Variants in CLSTN1 observed in about 807,000 individuals in gnomAD.
The protein encoded by CLSTN1 is calsyntenin 1, also known as calsyntenin-1.
CLSTN1 carries 28 observed loss-of-function variants against 108.3 expected under a neutral mutation model. The ratio of observed to expected loss-of-function variants is 0.26; its 90% CI spans 0.19 to 0.35. The LOEUF (loss-of-function observed/expected upper bound fraction) is 0.35, where lower values mean the gene tolerates loss of function less well. Among genes scored for constraint, CLSTN1 ranks in the 10% least tolerant of loss-of-function variants. The pLI, the probability that CLSTN1 is intolerant of heterozygous loss-of-function variation, is 1.00. For synonymous variants in CLSTN1, 524 were observed against 534.9 expected, an observed-to-expected ratio of 0.98 and a Z score of 0.28; for missense variants, 1,157 against 1,302.6, an observed-to-expected ratio of 0.89 and a Z score of 1.72.
intron 1 of CLSTN1, among the ~76,000 whole-genome samples, chr1:9,808,852 T>TA (rs1200741437): frequency 6.6e-6 from 1 of 151,896 alleles, no homozygotes; most frequent in Non-Finnish European, 1.5e-5. Context: ...TTCCAAACGA[T>TA]AAGAGTACAG....
At chr1:9,731,135 G>A (rs778211864) in intron 18 of CLSTN1, 71 bp downstream of exon 18, 5 of 1,571,272 alleles carry the variant, frequency 3.2e-6, no homozygotes, top group African/African-American at 1.3e-5. Context: ...AAGGAGCCGC[G>A]CCGTACCGGC....
intron 7 of CLSTN1, among the ~76,000 whole-genome samples, chr1:9,747,917 G>T (rs1174261297): frequency 3.3e-5 from 5 of 151,910 alleles, no homozygotes; most frequent in African/African-American, 9.7e-5. Flanking sequence ...GGTGGCAGGT[G>T]CCTGTAGTCC....
intron 2 of CLSTN1, among the ~76,000 whole-genome samples, chr1:9,764,511 C>A (rs1652230418): frequency 6.6e-6 from 1 of 152,020 alleles, no homozygotes; most frequent in Admixed American, 6.6e-5. Flanking sequence ...ATGGCACAGG[C>A]CTGTAATCCC....
chr1:9,762,460 CAA>C (rs534167959), intron 2 of CLSTN1, among the ~76,000 whole-genome samples: 39 of 120,302 alleles, frequency 3.2e-4, no homozygotes, highest in African/African-American at 6.3e-4. Flanking sequence ...GACTCTGTCT[CAA>C]AAAAAAAAAA....
rs1212792732 is a variant in CLSTN1 at position 9,749,490 on chromosome 1, T to C, written c.956A>G (p.Tyr319Cys). 1 of 1,613,490 alleles carries C rather than the reference T, an allele frequency of 6.2e-7. No individual in the cohort carries two copies. Among genetic ancestry groups the C allele is most frequent in the African/African-American group, 1.3e-5 (1 of 74,848 alleles). ...HIGKGCDRDT[Y>C]SEKSLHRLCG... The stretch of plus-strand genomic sequence containing the variant: ...GAGCCGGTGGAGGGACTTCTCTGAG[T>C]AGGTGTCTCGGTCGCAGCCTTTCCC... Residue 319 changes from tyrosine to cysteine, a missense_variant, in exon 7 of 19, where the codon TAC becomes TGC. Coordinates refer to ENST00000377298, the MANE Select transcript of CLSTN1 (RefSeq NM_001009566.3).
chr1:9,778,553 C>G (rs1484597386), intron 1 of CLSTN1, among the ~76,000 whole-genome samples: 1 of 151,950 alleles, frequency 6.6e-6, no homozygotes, highest in Non-Finnish European at 1.5e-5. Flanking sequence ...ACGAAACCAA[C>G]AGGTCAAAAG....
At chr1:9,759,767 G>C (rs1184903627) in intron 2 of CLSTN1, among the ~76,000 whole-genome samples, 1 of 152,158 alleles carries the variant, frequency 6.6e-6, no homozygotes, top group Non-Finnish European at 1.5e-5. Context: ...AAGGTTTGCT[G>C]ATCTCTGCTC....
chr1:9,820,911 G>C (rs12125351), intron 1 of CLSTN1, among the ~76,000 whole-genome samples: 2,678 of 152,238 alleles, frequency 0.018, 37 homozygotes, highest in Non-Finnish European at 0.025. Context: ...GGATGGTGAG[G>C]GGAGGTCTCA....
intron 15 of CLSTN1, among the ~76,000 whole-genome samples, chr1:9,733,748 C>T (rs1043260316): frequency 3.3e-5 from 5 of 152,200 alleles, no homozygotes; most frequent in Non-Finnish European, 4.4e-5. Context: ...TGTCATCCCA[C>T]GCCTCAACCC....
intron 4 of CLSTN1, among the ~76,000 whole-genome samples, chr1:9,754,591 C>CA (rs1431282140): frequency 1.3e-5 from 2 of 151,948 alleles, no homozygotes; most frequent in Non-Finnish European, 2.9e-5. Flanking sequence ...AGGTACGGCT[C>CA]ACGCCTATAA....
intron 5 of CLSTN1, 101 bp from the exon 6 acceptor site, chr1:9,750,014 A>G (rs1651478399): frequency 1.1e-6 from 1 of 935,188 alleles, no homozygotes; most frequent in Admixed American, 2.4e-5. Context: ...TAAGCCCTGT[A>G]AATACTCAGC....
intron 1 of CLSTN1, among the ~76,000 whole-genome samples, chr1:9,805,735 T>C (rs966811432): frequency 6.6e-6 from 1 of 151,504 alleles, no homozygotes; most frequent in African/African-American, 2.4e-5. Flanking sequence ...GGTGTGGTGG[T>C]GCGCGCCTAT....
rs1468651351 is a variant in CLSTN1 at position 9,735,165 on chromosome 1, G to A, written c.1893C>T (p.Asn631=). 2.2e-5 allele frequency: 35 copies of A among 1,613,984 alleles called. No individual in the cohort carries two copies. Among genetic ancestry groups the A allele is most frequent in the Non-Finnish European group, 2.8e-5 (33 of 1,179,992 alleles). ...LKITSTIKCF[N]EATCISVPPV... Reference sequence around the variant, plus strand: ...GGGGGACCGAAATGCAGGTGGCCTCGTTAAAACACCTGCCAGCAAGAAATG... The same window carrying A: ...GGGGGACCGAAATGCAGGTGGCCTCATTAAAACACCTGCCAGCAAGAAATG... Residue 631 remains asparagine, a synonymous_variant, in exon 14 of 19, where the codon AAC becomes AAT. Coordinates refer to ENST00000377298, the MANE Select transcript of CLSTN1 (RefSeq NM_001009566.3).
At chr1:9,733,897 C>G in intron 15 of CLSTN1, 75 bp downstream of exon 15, 2 of 1,442,596 alleles carry the variant, frequency 1.4e-6, no homozygotes, top group Non-Finnish European at 1.9e-6. Context: ...AGATGGCAGG[C>G]AGCAGCCAGC....
At chr1:9,768,708 C>T (rs190789651) in intron 2 of CLSTN1, among the ~76,000 whole-genome samples, 17 of 25,608 alleles carry the variant, frequency 6.6e-4, no homozygotes, top group South Asian at 1.4e-3. Context: ...GGGTTCTGTG[C>T]TGGGTGGCAC....
Position 9,755,274 on chromosome 1 carries a change from C to T in CLSTN1, c.280G>A (p.Val94Ile). 6.2e-7 allele frequency: 1 copy of T among 1,613,392 alleles called. No individual in the cohort carries two copies. The highest frequency in any genetic ancestry group is 8.5e-7 in the Non-Finnish European group (1 of 1,179,502). The change falls in exon 4 of 19, where the codon GTC becomes ATC. Residue 94 changes from valine (V) to isoleucine (I), a missense_variant. Physicochemically the swap from Val to Ile is conservative, Grantham distance 29. Transcript: ENST00000377298. ...TCCACTACCACTGCATCAAAGGGGA[C>T]ATTCTGCCCGTGAATTTTAAATCCA... is the stretch of plus-strand genomic sequence containing the variant. The part of the protein sequence containing the change: ...ICGFKIHGQN[V>I]PFDAVVVDKS...
At chr1:9,775,805 C>T (rs773063606) in intron 1 of CLSTN1, among the ~76,000 whole-genome samples, 3 of 152,060 alleles carry the variant, frequency 2.0e-5, no homozygotes, top group Non-Finnish European at 2.9e-5. Flanking sequence ...TGAGTCAATC[C>T]AGAAGGATCT....
In CLSTN1 at chr1:9,739,610, G is replaced by A. The variant is rs76878117; in HGVS notation, c.1519+1484C>T. On this transcript the variant is annotated intron_variant, in intron 10 of 18. Transcript: ENST00000377298. ...TGTAATCCCAGTACTTTAGGAGGCTGAGGTGGGAGGATCTCTTGAGCCCAG... is the reference window on the plus strand; with the variant it reads ...TGTAATCCCAGTACTTTAGGAGGCTAAGGTGGGAGGATCTCTTGAGCCCAG... 0.034 allele frequency among the ~76,000 whole-genome samples: 5,243 copies of A among 152,226 alleles called. 869 individuals carry two copies. The East Asian group carries it at 0.54, about 16-fold the overall frequency.
At chr1:9,820,661 CCATT>C (rs1467925449) in intron 1 of CLSTN1, among the ~76,000 whole-genome samples, 1 of 152,096 alleles carries the variant, frequency 6.6e-6, no homozygotes, top group Non-Finnish European at 1.5e-5. Context: ...ATCCATCCAC[CCATT>C]CATTCATTCA....
Sources: gnomAD v4.1 joint callset for allele counts (sites outside exome capture counted in the v4.1 genomes callset) on GRCh38, gnomAD v4.1.1 for gene constraint, MANE v1.5 for transcripts, NCBI Gene and HGNC (gene_info 2026-07-23, HGNC 2026-07-21) for gene names.